Variants in RELB observed in about 807,000 individuals in gnomAD.
The protein encoded by RELB is transcription factor RelB.
RELB carries 14 observed loss-of-function variants against 55.4 expected under a neutral mutation model. The ratio of observed to expected loss-of-function variants is 0.25; its 90% CI spans 0.17 to 0.40. The LOEUF is 0.40. Ranked by LOEUF, RELB falls within the 10% of genes least tolerant of loss-of-function variation. The pLI, the probability that RELB is intolerant of heterozygous loss-of-function variation, is 1.00. For synonymous variants in RELB, 409 were observed against 371.3 expected (o/e 1.10, Z -1.17); for missense variants, 669 against 830.7 (o/e 0.81, Z 2.39).
intron 7 of RELB, among the ~76,000 whole-genome samples, chr19:45,027,389 G>A (rs1391859575): frequency 1.3e-5 from 2 of 152,068 alleles, no homozygotes; most frequent in African/African-American, 4.8e-5. Context: ...TTAGATATCT[G>A]TCTCTTTCTG....
In RELB at chr19:45,032,676, C is replaced by A. The variant is rs370104310; in HGVS notation, c.1134C>A (p.Asn378Lys). Residue 378 changes from asparagine to lysine, a missense_variant, in exon 9 of 12, where the codon AAC (asparagine) becomes AAA (lysine). This residue lies in a region of RELB where 341 missense variants were observed against 436.8 expected (regional missense o/e 0.78). Coordinates refer to ENST00000221452, the MANE Select transcript of RELB (RefSeq NM_006509.4). ...AGATTGTCGAGCCCGTGACAGTCAA[C>A]GTCTTCCTGCAGCGGCTCACCGATG... Reference protein sequence around the residue: ...DLEIVEPVTVNVFLQRLTDGV... With the variant: ...DLEIVEPVTVKVFLQRLTDGV... 62 of 1,611,364 alleles carry A rather than the reference C, an allele frequency of 3.8e-5. No homozygotes were observed. In the African/African-American group the frequency reaches 7.6e-4, roughly 20 times the overall value.
chr19:45,034,251 C>T lies in RELB; in HGVS notation c.1215C>T (p.Tyr405=), dbSNP rs748610835. The change falls in exon 10 of 12, where the codon TAC becomes TAT. Residue 405 remains tyrosine (Y), a synonymous_variant. Transcript: ENST00000221452. ...FTYLPRDHDS[Y]GVDKKRKRGM... ...CTGGTATCTCCTTAACAGACAGCTACGGCGTGGACAAGAAGCGGAAACGGG... is the reference window on the plus strand; with the variant it reads ...CTGGTATCTCCTTAACAGACAGCTATGGCGTGGACAAGAAGCGGAAACGGG... 1.5e-5 allele frequency: 24 copies of T among 1,613,338 alleles called. No homozygotes were observed. The Admixed American group carries it at 2.2e-4, about 15-fold the overall frequency.
chr19:45,024,397 C>A (rs1229991092), intron 5 of RELB, among the ~76,000 whole-genome samples: 1 of 148,512 alleles, frequency 6.7e-6, no homozygotes, highest in African/African-American at 2.5e-5. Flanking sequence ...CTCCTGACCT[C>A]CTGATCTGCC....
intron 7 of RELB, among the ~76,000 whole-genome samples, chr19:45,027,257 C>T (rs545529369): frequency 6.7e-6 from 1 of 149,230 alleles, no homozygotes; most frequent in Non-Finnish European, 1.5e-5. Flanking sequence ...AGAATCCTTA[C>T]TTAAATAGGC....
chr19:45,020,684 A>G (rs1039700315), intron 4 of RELB, among the ~76,000 whole-genome samples: 6 of 150,200 alleles, frequency 4.0e-5, no homozygotes, highest in African/African-American at 1.5e-4. Context: ...CAGCCTCCCA[A>G]GTAGCTGGGA....
At chr19:45,021,420 C>CCA in intron 4 of RELB, among the ~76,000 whole-genome samples, 1 of 127,426 alleles carries the variant, frequency 7.8e-6, no homozygotes, top group Non-Finnish European at 1.6e-5. Flanking sequence ...TTGCAGTGAG[C>CCA]GGATCCAGCC....
chr19:45,033,762 C>T (rs111872402), intron 9 of RELB, among the ~76,000 whole-genome samples: 9,135 of 150,666 alleles, frequency 0.061, 700 homozygotes, highest in African/African-American at 0.18. Context: ...AGGCTGGTCT[C>T]GGACTCCTGA....
Position 45,025,750 on chromosome 19 carries a change from T to G in RELB, c.886+13T>G, listed in dbSNP as rs1277663488. Reference sequence around the variant, plus strand: ...GTCTATGACAAGAGTGAGTTGAGAGTGCTGTGGCCGTTAGGATTGCCCTTG... The same window carrying G: ...GTCTATGACAAGAGTGAGTTGAGAGGGCTGTGGCCGTTAGGATTGCCCTTG... On this transcript the variant is annotated intron_variant, in intron 7 of 11. Transcript: ENST00000221452. The G allele has an allele frequency of 4.3e-6, 7 of 1,613,698 alleles. No individual in the cohort carries two copies. Among genetic ancestry groups the G allele is most frequent in the African/African-American group, 1.3e-5 (1 of 74,994 alleles).
chr19:45,026,863 A>G (rs557546333), intron 7 of RELB, among the ~76,000 whole-genome samples: 1 of 152,330 alleles, frequency 6.6e-6, no homozygotes, highest in East Asian at 1.9e-4. Context: ...GGTTTTAGCC[A>G]ACCCATAGTG....
intron 1 of RELB, among the ~76,000 whole-genome samples, chr19:45,002,077 G>C (rs1183296913): frequency 6.9e-6 from 1 of 145,892 alleles, no homozygotes. Flanking sequence ...ACTCAAAAAA[G>C]GAAGCAGGGC....
intron 4 of RELB, among the ~76,000 whole-genome samples, chr19:45,017,992 C>T (rs1277501161): frequency 1.3e-5 from 2 of 150,676 alleles, no homozygotes; most frequent in African/African-American, 2.4e-5. Context: ...AGAGACCAGG[C>T]GCGGTGGCTC....
At position 45,012,134 on chromosome 19, in the gene RELB, C is replaced by T. The variant is rs376331542; in HGVS notation, c.362C>T (p.Pro121Leu). ...LGRLVSPAPG[P>L]GPQPHLVITE... is the part of the protein sequence containing the mutation. Reference sequence around the variant, plus strand: ...CGACTAGTGTCCCCAGCGCCGGGCCCGGGCCCGCAGCCGCACCTGGTCATC... The same window carrying T: ...CGACTAGTGTCCCCAGCGCCGGGCCTGGGCCCGCAGCCGCACCTGGTCATC... The change falls in exon 4 of 12, where the codon CCG becomes CTG. Residue 121 changes from proline (P) to leucine (L), a missense_variant. By Grantham distance (98) the Pro-to-Leu change is moderately conservative. This residue lies in a region of RELB where 323 missense variants were observed against 368.5 expected (regional missense o/e 0.88). Coordinates refer to ENST00000221452, the MANE Select transcript of RELB (RefSeq NM_006509.4). The T allele has an allele frequency of 3.7e-5, 58 of 1,556,096 alleles. No homozygotes were observed. The African/African-American group carries it at 5.9e-4, about 16-fold the overall frequency.
intron 4 of RELB, among the ~76,000 whole-genome samples, chr19:45,014,128 C>T (rs576088502): frequency 1.2e-3 from 180 of 151,320 alleles, no homozygotes; most frequent in African/African-American, 4.2e-3. Flanking sequence ...GATGTATCAT[C>T]CCATGTTTAA....
intron 1 of RELB, among the ~76,000 whole-genome samples, chr19:45,002,086 G>A (rs978587416): frequency 5.3e-5 from 7 of 131,976 alleles, no homozygotes; most frequent in African/African-American, 1.7e-4. Context: ...AGGAAGCAGG[G>A]CCCTACGCTG....
At chr19:45,021,079 G>T (rs1971480029) in intron 4 of RELB, among the ~76,000 whole-genome samples, 1 of 152,130 alleles carries the variant, frequency 6.6e-6, no homozygotes, top group African/African-American at 2.4e-5. Context: ...GGAGGCTGCG[G>T]CAGGAGAATC....
At chr19:45,035,924 C>T (rs536461265) in intron 11 of RELB, among the ~76,000 whole-genome samples, 2 of 152,296 alleles carry the variant, frequency 1.3e-5, no homozygotes, top group Non-Finnish European at 2.9e-5. Flanking sequence ...ATTTTCAGTT[C>T]GCCAACTCAT....
At chr19:45,027,818 C>T (rs1971576184) in intron 7 of RELB, among the ~76,000 whole-genome samples, 1 of 152,064 alleles carries the variant, frequency 6.6e-6, no homozygotes, top group Non-Finnish European at 1.5e-5. Context: ...CTTCTCTCAC[C>T]TGGGACCCCA....
At chr19:45,013,234 C>T (rs531371976) in intron 4 of RELB, among the ~76,000 whole-genome samples, 54 of 151,796 alleles carry the variant, frequency 3.6e-4, no homozygotes, top group African/African-American at 1.2e-3. Context: ...CTCCACCTCC[C>T]GGGTTCAAGC....
intron 2 of RELB, among the ~76,000 whole-genome samples, chr19:45,006,817 T>C (rs1471485427): frequency 6.6e-6 from 1 of 151,570 alleles, no homozygotes; most frequent in Non-Finnish European, 1.5e-5. Context: ...GAAAATTAGC[T>C]GGGTGTGGTG....
Sources: allele counts gnomAD v4.1 joint callset (sites outside exome capture counted in the v4.1 genomes callset), GRCh38; gene constraint gnomAD v4.1.1; regional missense constraint gnomAD v4.1.1; transcripts MANE v1.5; gene names NCBI Gene and HGNC (gene_info 2026-07-23, HGNC 2026-07-21).